The following COLEC12 variants were observed in gnomAD, a reference collection of about 807,000 sequenced individuals.
The protein encoded by COLEC12 is collectin-12.
In COLEC12, 33 loss-of-function variants were observed where a neutral mutation model predicts 71.1. That is an observed-to-expected ratio of 0.46 (90% CI 0.35 to 0.62). The LOEUF is 0.62. Ranked by LOEUF, COLEC12 falls within the 20% of genes least tolerant of loss-of-function variation. The pLI, the probability that COLEC12 is intolerant of heterozygous loss-of-function variation, is 0.00. For synonymous variants in COLEC12, 350 were observed against 353.0 expected (o/e 0.99, Z 0.10); for missense variants, 765 against 916.1 (o/e 0.84, Z 2.13).
At chr18:459,489 C>T (rs1029533718) in intron 2 of COLEC12, among the ~76,000 whole-genome samples, 4 of 152,228 alleles carry the variant, frequency 2.6e-5, no homozygotes, top group Non-Finnish European at 5.9e-5. Flanking sequence ...GTAAATCAGA[C>T]AGCTTTCCTC....
At chr18:326,587 G>C (rs912071074) in intron 8 of COLEC12, among the ~76,000 whole-genome samples, 1 of 152,200 alleles carries the variant, frequency 6.6e-6, no homozygotes, top group African/African-American at 2.4e-5. Flanking sequence ...GGCCTCAGGT[G>C]ATCCACCTGC....
intron 2 of COLEC12, among the ~76,000 whole-genome samples, chr18:442,002 T>TACACACACACACACACACACACACAC (rs56024245): frequency 1.7e-5 from 2 of 120,744 alleles, no homozygotes; most frequent in African/African-American, 3.9e-5. Context: ...TCTCTCTCTC[T>TACACACACACACACACACACACACAC]ACACACACAC....
intron 2 of COLEC12, among the ~76,000 whole-genome samples, chr18:446,980 T>C (rs1916666735): frequency 6.6e-6 from 1 of 152,244 alleles, no homozygotes; most frequent in South Asian, 2.1e-4. Flanking sequence ...ACAGTTATCC[T>C]TGATCATTTA....
rs1555611775 is a variant in COLEC12, at chr18:319,341, A to AAAATATAT, written c.*703_*704insATATATTT. Reference sequence around the variant, plus strand: ...AACATTAAAAAAAAAAAAAAAAAAAAATATATATATATATATATATATACA... The same window carrying AAAATATAT: ...AACATTAAAAAAAAAAAAAAAAAAAAAAATATATATATATATATATATATATATATACA... On this transcript the variant is annotated 3_prime_UTR_variant, in exon 10 of 10. Transcript: ENST00000400256. The AAAATATAT allele has an allele frequency of 3.0e-5, 2 of 67,196 alleles. No homozygotes were observed. The highest frequency in any genetic ancestry group is 9.7e-5 in the African/African-American group (2 of 20,534). The allele number at this position is 67,196 out of a possible 1,614,324, so 4.2% of individuals were successfully genotyped here.
chr18:407,775 C>G (rs1393994333), intron 2 of COLEC12, among the ~76,000 whole-genome samples: 4 of 152,188 alleles, frequency 2.6e-5, no homozygotes, highest in African/African-American at 9.7e-5. Context: ...AAATGGACCC[C>G]ACAGGGAGTG....
intron 9 of COLEC12, among the ~76,000 whole-genome samples, chr18:321,391 A>G (rs553774952): frequency 6.6e-6 from 1 of 152,314 alleles, no homozygotes; most frequent in South Asian, 2.1e-4. Flanking sequence ...TCACAATATA[A>G]GATACTTATG....
At chr18:461,739 A>T (rs1159244584) in intron 2 of COLEC12, among the ~76,000 whole-genome samples, 3 of 152,054 alleles carry the variant, frequency 2.0e-5, no homozygotes, top group Non-Finnish European at 4.4e-5. Flanking sequence ...GGTGGAGTTG[A>T]GACTTGCTGC....
At chr18:405,979 T>C (rs189182810) in intron 2 of COLEC12, among the ~76,000 whole-genome samples, 4 of 152,222 alleles carry the variant, frequency 2.6e-5, no homozygotes, top group South Asian at 2.1e-4. Flanking sequence ...GCACAAGATA[T>C]AGGTCATAAA....
intron 2 of COLEC12, among the ~76,000 whole-genome samples, chr18:420,280 A>G (rs2846656): frequency 0.92 from 139,097 of 151,944 alleles, 64,402 homozygotes; most frequent in East Asian, 1. Flanking sequence ...TGGCAATGTA[A>G]CACGTGTATC....
intron 2 of COLEC12, among the ~76,000 whole-genome samples, chr18:423,143 C>T (rs555909281): frequency 1.3e-5 from 2 of 152,208 alleles, no homozygotes; most frequent in African/African-American, 2.4e-5. Flanking sequence ...GATGTTGATG[C>T]CTGTAATCCT....
intron 1 of COLEC12, among the ~76,000 whole-genome samples, chr18:497,383 G>GTGT (rs1555623893): frequency 2.0e-5 from 3 of 147,052 alleles, no homozygotes; most frequent in Non-Finnish European, 4.5e-5. Context: ...TAAAGAATGG[G>GTGT]GTGTGTGTGT....
At chr18:382,241 C>A (rs556903830) in intron 2 of COLEC12, among the ~76,000 whole-genome samples, 2 of 152,314 alleles carry the variant, frequency 1.3e-5, no homozygotes, top group African/African-American at 4.8e-5. Context: ...TAATAATTCA[C>A]CCTTCCTGTG....
intron 2 of COLEC12, among the ~76,000 whole-genome samples, chr18:375,581 T>A: frequency 6.6e-6 from 1 of 152,214 alleles, no homozygotes; most frequent in Admixed American, 6.5e-5. Flanking sequence ...CACTGCAGCC[T>A]CAAACTCCTG....
chr18:326,345 CTTTTTG>C (rs1194114513), intron 8 of COLEC12, among the ~76,000 whole-genome samples: 6 of 151,830 alleles, frequency 4.0e-5, no homozygotes, highest in Non-Finnish European at 5.9e-5. Context: ...GTTCTAGTTC[CTTTTTG>C]TTTTTGTTTT....
chr18:372,197 A>G (rs886882920), intron 2 of COLEC12, among the ~76,000 whole-genome samples: 3 of 152,154 alleles, frequency 2.0e-5, no homozygotes, highest in East Asian at 1.9e-4. Flanking sequence ...TCCAGTCTCA[A>G]TTCCCCTCTC....
intron 2 of COLEC12, among the ~76,000 whole-genome samples, chr18:432,033 G>T (rs895237063): frequency 6.6e-6 from 1 of 152,086 alleles, no homozygotes; most frequent in East Asian, 1.9e-4. Context: ...ACCCAAGAAG[G>T]CTTGAATAGA....
rs139634360 is a variant in COLEC12, at chr18:461,425, C to T, written c.58+19282G>A. 3.6e-3 allele frequency among the ~76,000 whole-genome samples: 543 copies of T among 152,286 alleles called. 3 individuals are homozygous for T. Among genetic ancestry groups the T allele is most frequent in the East Asian group, 0.012 (62 of 5,178 alleles). On this transcript the variant is annotated intron_variant, in intron 2 of 9. Transcript: ENST00000400256. The stretch of plus-strand genomic sequence containing the variant: ...TTTTAGAGACTGGGTCTTGCTCTGT[C>T]GCTCAGGCTGGAAGGCAGTGGCCTG...
At chr18:472,299 C>CTTGGA (rs1917213031) in intron 2 of COLEC12, among the ~76,000 whole-genome samples, 1 of 152,200 alleles carries the variant, frequency 6.6e-6, no homozygotes, top group South Asian at 2.1e-4. Context: ...GCTGCTCCAA[C>CTTGGA]CCCTCAGTAT....
rs1914656332 is a variant in COLEC12 at position 357,564 on chromosome 18, T to C, written c.59-42A>G. ...ATTTTAATAACAGTAAGCAAAGATG[T>C]CATTTTAAAATTTATCTTTTTGCAT... On this transcript the variant is annotated intron_variant, in intron 2 of 9. Transcript: ENST00000400256. The C allele has an allele frequency of 2.0e-6, 3 of 1,480,912 alleles. No homozygotes were observed. In the East Asian group the frequency reaches 7.2e-5, roughly 35 times the overall value. 91.7% of individuals were successfully genotyped at this position (1,480,912 alleles called of 1,614,324 possible).
Sources: allele counts gnomAD v4.1 joint callset (sites outside exome capture counted in the v4.1 genomes callset), GRCh38; gene constraint gnomAD v4.1.1; transcripts MANE v1.5; gene names NCBI Gene and HGNC (gene_info 2026-07-23, HGNC 2026-07-21).